CAST: variants seen among roughly 807,000 people sequenced by gnomAD.
The protein encoded by CAST is calpastatin.
A neutral mutation model predicts 119.6 loss-of-function variants in CAST; 76 were observed. The ratio of observed to expected loss-of-function variants is 0.64; its 90% confidence interval spans 0.53 to 0.77. The LOEUF is 0.77. Among genes scored for constraint, CAST ranks in the 30% least tolerant of loss-of-function variants. The probability of loss-of-function intolerance (pLI) is 0.00; values close to 1 mark genes in which losing one functional copy is unlikely to be tolerated. For missense variants in CAST, 953 were observed against 946.5 expected (o/e 1.01, Z -0.09); for synonymous variants, 319 against 331.6 (o/e 0.96, Z 0.41).
intron 29 of CAST, among the ~76,000 whole-genome samples, chr5:96,768,678 G>C (rs1770960920): frequency 6.6e-6 from 1 of 152,166 alleles, no homozygotes; most frequent in South Asian, 2.1e-4. Context: ...AGTGAGAGCA[G>C]GCCCTAACTA....
At chr5:96,485,487 T>A in the CAST span, among the ~76,000 whole-genome samples, 24 of 152,148 alleles carry the variant, frequency 1.6e-4, no homozygotes, top group East Asian at 4.6e-3. Context: ...AAGTAAAAAA[T>A]CATAGAGCCG....
chr5:96,473,089 C>G, the CAST span, among the ~76,000 whole-genome samples: 1 of 152,178 alleles, frequency 6.6e-6, no homozygotes, highest in Admixed American at 6.5e-5. Context: ...TAGGGGCCAC[C>G]CTAATTGAGT....
the CAST span, among the ~76,000 whole-genome samples, chr5:96,434,612 TTTTTTTGTTGTTG>T: frequency 1.0e-5 from 1 of 98,754 alleles, no homozygotes; most frequent in African/African-American, 4.6e-5. Context: ...AGTTTGTTTT[TTTTTTTGTTGTTG>T]TTGTTGTTGT....
the CAST span, among the ~76,000 whole-genome samples, chr5:96,383,283 T>C: frequency 5.3e-5 from 8 of 152,292 alleles, no homozygotes; most frequent in East Asian, 1.2e-3. Context: ...CAGAATACCA[T>C]GTTCAAGAAC....
the CAST span, among the ~76,000 whole-genome samples, chr5:96,450,578 C>T: frequency 3.3e-5 from 5 of 152,300 alleles, no homozygotes; most frequent in South Asian, 1.0e-3. Context: ...ACGTGTCCCC[C>T]TAAACCCATA....
chr5:96,099,573 TTAAGA>T, the CAST span, among the ~76,000 whole-genome samples: 2 of 152,340 alleles, frequency 1.3e-5, no homozygotes, highest in East Asian at 3.9e-4. Flanking sequence ...TCTGCATCTA[TTAAGA>T]TAATTGTGTA....
the CAST span, among the ~76,000 whole-genome samples, chr5:96,512,670 C>T: frequency 6.6e-6 from 1 of 152,138 alleles, no homozygotes; most frequent in Non-Finnish European, 1.5e-5. Context: ...TCTTTTATTA[C>T]TACCTCATTA....
the CAST span, among the ~76,000 whole-genome samples, chr5:96,166,257 A>G: frequency 6.6e-6 from 1 of 152,226 alleles, no homozygotes; most frequent in East Asian, 1.9e-4. Context: ...TAGTACCTTT[A>G]TTTTAATTTT....
At chr5:96,239,249 T>C in the CAST span, among the ~76,000 whole-genome samples, 4 of 152,184 alleles carry the variant, frequency 2.6e-5, no homozygotes, top group Admixed American at 1.3e-4. Flanking sequence ...CTTAAGTCAT[T>C]TAAATAGTAC....
intron 20 of CAST, among the ~76,000 whole-genome samples, chr5:96,753,473 T>C (rs1765605189): frequency 6.6e-6 from 1 of 152,058 alleles, no homozygotes; most frequent in African/African-American, 2.4e-5. Flanking sequence ...TTTGGGGGAG[T>C]ACATTTCATT....
chr5:96,054,309 C>T, the CAST span, among the ~76,000 whole-genome samples: 2,136 of 152,074 alleles, frequency 0.014, 40 homozygotes, highest in African/African-American at 0.049. Context: ...TGGCTAGTCA[C>T]AGGCACGATC....
intron 1 of CAST, among the ~76,000 whole-genome samples, chr5:96,571,054 T>C (rs1057395955): frequency 6.6e-6 from 1 of 152,230 alleles, no homozygotes; most frequent in Admixed American, 6.5e-5. Flanking sequence ...CAGAGCTTCA[T>C]TCTGGTGACT....
intron 11 of CAST, among the ~76,000 whole-genome samples, chr5:96,738,443 A>G (rs11739280): frequency 0.094 from 14,296 of 152,228 alleles, 876 homozygotes; most frequent in Middle Eastern, 0.16. Flanking sequence ...CAGCTGCATT[A>G]TAACATTGAG....
the CAST span, among the ~76,000 whole-genome samples, chr5:96,022,154 G>A: frequency 0.011 from 1,745 of 152,266 alleles, 21 homozygotes; most frequent in South Asian, 0.069. Flanking sequence ...TTATATAAAG[G>A]GCTTGAGCAT....
chr5:96,317,971 T>C, the CAST span, among the ~76,000 whole-genome samples: 19 of 152,208 alleles, frequency 1.2e-4, no homozygotes, highest in Non-Finnish European at 2.6e-4. Flanking sequence ...TCCCAATCCA[T>C]AATGCTGACC....
the CAST span, among the ~76,000 whole-genome samples, chr5:96,216,918 T>C: frequency 6.6e-6 from 1 of 152,216 alleles, no homozygotes; most frequent in Admixed American, 6.5e-5. Context: ...ATTCTCCTCA[T>C]GAGCTCTTTT....
chr5:96,184,053 C>T, the CAST span, among the ~76,000 whole-genome samples: 1 of 152,146 alleles, frequency 6.6e-6, no homozygotes, highest in Non-Finnish European at 1.5e-5. Flanking sequence ...ATGAGGGTAG[C>T]ATTTAATCAC....
At chr5:96,337,900 C>G in the CAST span, among the ~76,000 whole-genome samples, 1 of 152,190 alleles carries the variant, frequency 6.6e-6, no homozygotes, top group African/African-American at 2.4e-5. Context: ...ATACCTCTAA[C>G]ATTTTGAACA....
the CAST span, among the ~76,000 whole-genome samples, chr5:96,462,741 C>T: frequency 6.6e-6 from 1 of 152,110 alleles, no homozygotes; most frequent in Non-Finnish European, 1.5e-5. Flanking sequence ...TTGTAATCCC[C>T]ATGTGTCAAG....
Sources: allele counts gnomAD v4.1 joint callset (sites outside exome capture counted in the v4.1 genomes callset), GRCh38; gene constraint gnomAD v4.1.1; transcripts MANE v1.5; gene names NCBI Gene and HGNC (gene_info 2026-07-23, HGNC 2026-07-21).